Variants in KCNH1 observed in about 807,000 individuals in gnomAD.
KCNH1 encodes the protein voltage-gated delayed rectifier potassium channel KCNH1.
In KCNH1, 27 loss-of-function variants were observed where a neutral mutation model predicts 69.2. The observed-to-expected ratio is 0.39, with a 90% confidence interval of 0.29 to 0.54. The LOEUF (loss-of-function observed/expected upper bound fraction) is 0.54, where lower values mean the gene tolerates loss of function less well. Among genes scored for constraint, KCNH1 ranks in the 20% least tolerant of loss-of-function variants. The pLI is 0.68. For synonymous variants in KCNH1, 456 were observed against 487.7 expected (o/e 0.93, Z 0.86); for missense variants, 798 against 1,261.6 (o/e 0.63, Z 5.57).
intron 5 of KCNH1, among the ~76,000 whole-genome samples, chr1:211,033,706 T>C (rs934561952): frequency 2.6e-5 from 4 of 151,996 alleles, no homozygotes; most frequent in East Asian, 1.9e-4. Context: ...TAGGTGGGAA[T>C]TGATCAATGA....
At chr1:210,769,318 CT>C (rs1683706257) in intron 10 of KCNH1, among the ~76,000 whole-genome samples, 1 of 152,188 alleles carries the variant, frequency 6.6e-6, no homozygotes, top group Non-Finnish European at 1.5e-5. Context: ...CTTTCATCTT[CT>C]CTTCTCCAGA....
intron 1 of KCNH1, among the ~76,000 whole-genome samples, chr1:211,119,375 A>G (rs1444877886): frequency 2.0e-5 from 3 of 152,228 alleles, no homozygotes; most frequent in African/African-American, 7.2e-5. Flanking sequence ...AGTTTTAAAA[A>G]AAGCAAGTTT....
At chr1:210,972,666 T>C (rs1468086332) in intron 6 of KCNH1, among the ~76,000 whole-genome samples, 5 of 152,128 alleles carry the variant, frequency 3.3e-5, no homozygotes, top group Non-Finnish European at 7.4e-5. Flanking sequence ...GTCATTTCAG[T>C]GATAGAACAC....
rs377066459 is a variant in KCNH1, at chr1:210,886,071, G to T, written c.1462+33569C>A. Among the ~76,000 whole-genome samples the T allele has an allele frequency of 3.3e-5, 5 of 152,264 alleles. No homozygotes were observed. In the South Asian group the frequency reaches 8.3e-4, roughly 25 times the overall value. On this transcript the variant is annotated intron_variant, in intron 7 of 10. Coordinates refer to ENST00000271751, the MANE Select transcript of KCNH1 (RefSeq NM_172362.3). ...AAGGGACAGACTGCCTACTCATGTGGGTCCCTGACCCCCATGCCTCCTGAT... is the reference window on the plus strand; with the variant it reads ...AAGGGACAGACTGCCTACTCATGTGTGTCCCTGACCCCCATGCCTCCTGAT...
At chr1:211,104,385 A>AT (rs1160473078) in intron 2 of KCNH1, among the ~76,000 whole-genome samples, 1 of 152,102 alleles carries the variant, frequency 6.6e-6, no homozygotes, top group Non-Finnish European at 1.5e-5. Flanking sequence ...CTCAGCAAAA[A>AT]AAAAATTCAT....
At position 210,684,137 on chromosome 1, in the gene KCNH1, A is replaced by G. The variant is rs760017822; in HGVS notation, c.2114T>C (p.Ile705Thr). The G allele has an allele frequency of 6.6e-7, 1 of 1,505,962 alleles. No individual in the cohort carries two copies. The highest frequency in any genetic ancestry group is 2.3e-5 in the East Asian group (1 of 43,720). The allele number at this position is 1,505,962 out of a possible 1,614,324, so 93.3% of individuals were successfully genotyped here. ...LILTYNLRKR[I>T]VFRKISDVKR... ...CACATCGCTGATCTTCCGGAACACAATCTGGAGAGAGAGAGAGAGAGAATG... is the reference window on the plus strand; with the variant it reads ...CACATCGCTGATCTTCCGGAACACAGTCTGGAGAGAGAGAGAGAGAGAATG... The change falls in exon 11 of 11, where the codon ATT becomes ACT. Residue 705 changes from isoleucine to threonine, a missense_variant and splice_region_variant. Coordinates refer to ENST00000271751, the MANE Select transcript of KCNH1 (RefSeq NM_172362.3).
rs1377824331 is a variant in KCNH1, at chr1:210,998,175, T to A, written c.1032+20608A>T. Among the ~76,000 whole-genome samples the A allele has an allele frequency of 2.6e-5, 4 of 152,300 alleles. No individual in the cohort carries two copies. In the South Asian group the frequency reaches 8.3e-4, roughly 32 times the overall value. On this transcript the variant is annotated intron_variant, in intron 6 of 10. Coordinates refer to ENST00000271751, the MANE Select transcript of KCNH1 (RefSeq NM_172362.3). Reference sequence around the variant, plus strand: ...ACTGCATAACAATATTAACTTTAAATGTAAATGGGCTAAATGCTCCAATTA... The same window carrying A: ...ACTGCATAACAATATTAACTTTAAAAGTAAATGGGCTAAATGCTCCAATTA...
Position 210,903,098 on chromosome 1 carries a change from T to C in KCNH1, c.1462+16542A>G, listed in dbSNP as rs182595774. Among the ~76,000 whole-genome samples, 366 of 149,808 alleles carry C rather than the reference T, an allele frequency of 2.4e-3. 3 individuals are homozygous for C. Among genetic ancestry groups the C allele is most frequent in the African/African-American group, 8.4e-3 (350 of 41,464 alleles). On this transcript the variant is annotated intron_variant, in intron 7 of 10. Transcript: ENST00000271751. ...CACTGGGTTCTCTGGTCTGCCTCCA[T>C]GCCCTGCCATCTCTCTTTTTTTTTC...
At chr1:210,757,509 C>T (rs574829666) in intron 10 of KCNH1, among the ~76,000 whole-genome samples, 5 of 152,310 alleles carry the variant, frequency 3.3e-5, no homozygotes, top group African/African-American at 1.2e-4. Context: ...CCCAGCCCAG[C>T]TTTGGCCATA....
At chr1:211,081,464 C>T (rs1690858311) in intron 5 of KCNH1, among the ~76,000 whole-genome samples, 1 of 152,338 alleles carries the variant, frequency 6.6e-6, no homozygotes, top group South Asian at 2.1e-4. Flanking sequence ...AATCCCATTA[C>T]TGGGTATATA....
At chr1:210,879,016 A>G (rs1025094102) in intron 7 of KCNH1, among the ~76,000 whole-genome samples, 1 of 152,070 alleles carries the variant, frequency 6.6e-6, no homozygotes, top group African/African-American at 2.4e-5. Context: ...TGTGCTCATA[A>G]ATTTGATAAT....
At chr1:210,851,642 T>C (rs1244915351) in intron 7 of KCNH1, among the ~76,000 whole-genome samples, 1 of 152,236 alleles carries the variant, frequency 6.6e-6, no homozygotes, top group Non-Finnish European at 1.5e-5. Flanking sequence ...TAGAGTATAC[T>C]CATATGAACC....
In KCNH1 at chr1:210,682,231, C is replaced by T. The variant is rs542282944; in HGVS notation, c.*1050G>A. 1 of 152,190 alleles carries T rather than the reference C, an allele frequency of 6.6e-6. No individual in the cohort carries two copies. Among genetic ancestry groups the T allele is most frequent in the East Asian group, 1.9e-4 (1 of 5,188 alleles). 9.4% of individuals were successfully genotyped at this position (152,190 alleles called of 1,614,324 possible). A position where few individuals can be genotyped will look rare whatever the true frequency, so the allele number is the denominator to read the frequency against. ...TAAGGCCCAGCATGGCTCCCAAGTG[C>T]CTATAATGACCCCGTGCGGTGAACA... On this transcript the variant is annotated 3_prime_UTR_variant, in exon 11 of 11. Transcript: ENST00000271751.
At chr1:210,879,378 T>C (rs1474712400) in intron 7 of KCNH1, among the ~76,000 whole-genome samples, 1 of 151,816 alleles carries the variant, frequency 6.6e-6, no homozygotes, top group Non-Finnish European at 1.5e-5. Context: ...GCAAATTAAA[T>C]CCAACAATGA....
chr1:210,861,054 G>T, intron 7 of KCNH1: 1 of 975,132 alleles, frequency 1.0e-6, no homozygotes, highest in Non-Finnish European at 1.7e-6. Flanking sequence ...ATAGTCTTTT[G>T]AAGTACCTCC....
At chr1:210,844,599 G>A (rs913092832) in intron 7 of KCNH1, among the ~76,000 whole-genome samples, 4 of 152,174 alleles carry the variant, frequency 2.6e-5, no homozygotes, top group African/African-American at 9.7e-5. Flanking sequence ...GAAATTTATA[G>A]CACTAAATGC....
chr1:210,868,139 T>A (rs542159985), intron 7 of KCNH1, among the ~76,000 whole-genome samples: 1 of 152,178 alleles, frequency 6.6e-6, no homozygotes, highest in East Asian at 1.9e-4. Context: ...TATGTAAGTC[T>A]TTTTAATTGT....
At chr1:211,079,852 G>A (rs528654070) in intron 5 of KCNH1, among the ~76,000 whole-genome samples, 27 of 152,282 alleles carry the variant, frequency 1.8e-4, no homozygotes, top group African/African-American at 6.3e-4. Flanking sequence ...CAAACCCACA[G>A]CCAATATCAT....
chr1:210,877,731 C>T (rs949787993), intron 7 of KCNH1, among the ~76,000 whole-genome samples: 1 of 152,138 alleles, frequency 6.6e-6, no homozygotes, highest in Non-Finnish European at 1.5e-5. Context: ...TCCCCTAACA[C>T]TGGAAATAAA....
Sources: gnomAD v4.1 joint callset for allele counts (sites outside exome capture counted in the v4.1 genomes callset) on GRCh38, gnomAD v4.1.1 for gene constraint, MANE v1.5 for transcripts, NCBI Gene and HGNC (gene_info 2026-07-23, HGNC 2026-07-21) for gene names.